Variants in AGBL1 observed in about 807,000 individuals in gnomAD.
The protein encoded by AGBL1 is cytosolic carboxypeptidase 4.
A neutral mutation model predicts 118.9 loss-of-function variants in AGBL1; 130 were observed. The observed-to-expected ratio is 1.09, with a 90% CI of 0.95 to 1.26. The LOEUF is 1.26. AGBL1 is among the 50% of genes most tolerant of loss of function. The probability of loss-of-function intolerance (pLI) is 0.00; values close to 1 mark genes in which losing one functional copy is unlikely to be tolerated. For missense variants in AGBL1, 1,584 were observed against 1,298.1 expected (o/e 1.22, Z -3.38); for synonymous variants, 555 against 478.9 (o/e 1.16, Z -2.08).
At chr15:86,457,445 T>G (rs1411263691) in intron 18 of AGBL1, among the ~76,000 whole-genome samples, 2 of 152,186 alleles carry the variant, frequency 1.3e-5, no homozygotes, top group Non-Finnish European at 2.9e-5. Flanking sequence ...ATTCTCTGCT[T>G]TCTGAAGAGG....
chr15:86,187,581 C>CT (rs768577841), intron 5 of AGBL1, among the ~76,000 whole-genome samples: 31 of 152,294 alleles, frequency 2.0e-4, no homozygotes, highest in African/African-American at 5.3e-4. Context: ...TATAATAGTG[C>CT]TTGTCCTATG....
chr15:86,382,197 AC>A (rs1178796841), intron 17 of AGBL1, among the ~76,000 whole-genome samples: 1 of 151,476 alleles, frequency 6.6e-6, no homozygotes, highest in East Asian at 2.0e-4. Flanking sequence ...CAGGGTTGAC[AC>A]ATCTTTAAGC....
chr15:86,428,161 C>T (rs2081890087), intron 18 of AGBL1, among the ~76,000 whole-genome samples: 1 of 152,104 alleles, frequency 6.6e-6, no homozygotes, highest in African/African-American at 2.4e-5. Flanking sequence ...ATCTGAAAAA[C>T]CAAGCCAACA....
intron 17 of AGBL1, among the ~76,000 whole-genome samples, chr15:86,383,189 G>A (rs920395050): frequency 2.8e-5 from 4 of 141,600 alleles, no homozygotes; most frequent in African/African-American, 1.0e-4. Context: ...GAAAGGGTTT[G>A]GGGGAAGCCC....
At chr15:86,461,570 C>A (rs1176260365) in intron 18 of AGBL1, among the ~76,000 whole-genome samples, 1 of 152,050 alleles carries the variant, frequency 6.6e-6, no homozygotes, top group African/African-American at 2.4e-5. Flanking sequence ...AGTATCACGG[C>A]AATATATAAA....
intron 22 of AGBL1, among the ~76,000 whole-genome samples, chr15:86,758,790 G>A (rs1025821346): frequency 1.6e-4 from 24 of 151,430 alleles, no homozygotes; most frequent in Admixed American, 6.6e-5. Flanking sequence ...TGGGCAACAT[G>A]AAAAAACCCT....
At chr15:86,632,321 G>A (rs189792058) in intron 21 of AGBL1, among the ~76,000 whole-genome samples, 2 of 149,338 alleles carry the variant, frequency 1.3e-5, no homozygotes, top group Non-Finnish European at 3.0e-5. Flanking sequence ...GCTTATGCCT[G>A]TAATCCAGCA....
chr15:86,339,383 T>C (rs1263981110), intron 17 of AGBL1, among the ~76,000 whole-genome samples: 2 of 152,218 alleles, frequency 1.3e-5, no homozygotes, highest in Non-Finnish European at 2.9e-5. Context: ...AGGTTGTTTA[T>C]CGCGAAATTT....
chr15:86,590,734 G>C (rs2084322526), intron 21 of AGBL1, among the ~76,000 whole-genome samples: 1 of 152,294 alleles, frequency 6.6e-6, no homozygotes, highest in South Asian at 2.1e-4. Context: ...CAAGGGAGAA[G>C]GCCTGGCAGT....
chr15:86,274,379 T>C (rs1425019719), intron 15 of AGBL1, among the ~76,000 whole-genome samples: 1 of 152,186 alleles, frequency 6.6e-6, no homozygotes, highest in Non-Finnish European at 1.5e-5. Context: ...CTATGTCCAT[T>C]CTGCCATTTT....
At chr15:86,337,296 C>G (rs1461348496) in intron 17 of AGBL1, among the ~76,000 whole-genome samples, 1 of 151,882 alleles carries the variant, frequency 6.6e-6, no homozygotes, top group Non-Finnish European at 1.5e-5. Flanking sequence ...ATTCAGTGCA[C>G]TGTCTTGTAT....
At chr15:86,467,312 C>T (rs2082420009) in intron 18 of AGBL1, among the ~76,000 whole-genome samples, 1 of 152,204 alleles carries the variant, frequency 6.6e-6, no homozygotes, top group Non-Finnish European at 1.5e-5. Flanking sequence ...CAATGGCGGA[C>T]ACTCCTCCCC....
chr15:87,028,536 A>T (rs755012440), intron 24 of AGBL1, among the ~76,000 whole-genome samples: 6 of 151,968 alleles, frequency 3.9e-5, no homozygotes, highest in Non-Finnish European at 8.8e-5. Context: ...TAAATCATCC[A>T]TTCATTAAAA....
chr15:86,736,539 T>C (rs192419196), intron 22 of AGBL1, among the ~76,000 whole-genome samples: 1 of 152,324 alleles, frequency 6.6e-6, no homozygotes, highest in Admixed American at 6.5e-5. Flanking sequence ...CTTCTGTAGC[T>C]TGCCCAAGGC....
chr15:86,601,068 A>G (rs1221060543), intron 21 of AGBL1, among the ~76,000 whole-genome samples: 1 of 152,168 alleles, frequency 6.6e-6, no homozygotes, highest in Non-Finnish European at 1.5e-5. Flanking sequence ...GGTAACTGCA[A>G]CCATTCCATT....
At chr15:86,781,163 G>C (rs1417422952) in intron 22 of AGBL1, among the ~76,000 whole-genome samples, 2 of 151,610 alleles carry the variant, frequency 1.3e-5, no homozygotes, top group African/African-American at 4.8e-5. Flanking sequence ...TTTTTTTCAA[G>C]TTCTCTCTGT....
At chr15:86,611,551 G>T (rs991452390) in intron 21 of AGBL1, among the ~76,000 whole-genome samples, 4 of 152,154 alleles carry the variant, frequency 2.6e-5, no homozygotes, top group African/African-American at 9.7e-5. Context: ...ATCCCAGGAA[G>T]AAAGAGTTAA....
chr15:86,152,666 G>T (rs375907886), intron 3 of AGBL1, among the ~76,000 whole-genome samples: 1 of 152,070 alleles, frequency 6.6e-6, no homozygotes, highest in African/African-American at 2.4e-5. Flanking sequence ...GAAACACATG[G>T]GATCTAATTA....
intron 5 of AGBL1, among the ~76,000 whole-genome samples, chr15:86,222,669 T>C (rs552378062): frequency 6.6e-6 from 1 of 152,320 alleles, no homozygotes; most frequent in Middle Eastern, 3.4e-3. Context: ...CTCCTACTTA[T>C]GCCCTAGGAA....
Sources: allele counts gnomAD v4.1 joint callset (sites outside exome capture counted in the v4.1 genomes callset), GRCh38; gene constraint gnomAD v4.1.1; transcripts MANE v1.5; gene names NCBI Gene and HGNC (gene_info 2026-07-23, HGNC 2026-07-21).